The following NPAS3 variants were observed in gnomAD, a reference collection of about 807,000 sequenced individuals.
NPAS3 encodes neuronal PAS domain protein 3, also known as neuronal PAS domain-containing protein 3.
Under a neutral mutation model 73.1 loss-of-function variants are expected in NPAS3, and 14 were observed. That is an observed-to-expected ratio of 0.19 (90% confidence interval 0.13 to 0.30). The LOEUF is 0.30. Among genes scored for constraint, NPAS3 ranks in the 10% least tolerant of loss-of-function variants. The pLI is 1.00. For synonymous variants in NPAS3, 620 were observed against 541.5 expected, an observed-to-expected ratio of 1.14 and a Z score of -2.01; for missense variants, 1,096 against 1,250.0, an observed-to-expected ratio of 0.88 and a Z score of 1.86.
chr14:33,456,205 G>T (rs1490166749), intron 4 of NPAS3, among the ~76,000 whole-genome samples: 1 of 152,002 alleles, frequency 6.6e-6, no homozygotes, highest in Non-Finnish European at 1.5e-5. Flanking sequence ...TGTGCATAAT[G>T]TTCCATGGAA....
intron 5 of NPAS3, among the ~76,000 whole-genome samples, chr14:33,595,458 T>G (rs919208941): frequency 6.6e-6 from 1 of 152,186 alleles, no homozygotes; most frequent in Non-Finnish European, 1.5e-5. Flanking sequence ...CTTCTAAAAA[T>G]ACCCTTTGTT....
Position 33,706,351 on chromosome 14 carries a change from T to C in NPAS3, c.734-28863T>C, listed in dbSNP as rs532420208. On this transcript the variant is annotated intron_variant, in intron 6 of 11. Transcript: ENST00000356141. ...TCTTTAGAATATCCATGTAAGGGATTATGAATCCCATTTTCACAGCAGAGG... is the reference window on the plus strand; with the variant it reads ...TCTTTAGAATATCCATGTAAGGGATCATGAATCCCATTTTCACAGCAGAGG... Among the ~76,000 whole-genome samples the C allele has an allele frequency of 1.9e-4, 29 of 152,292 alleles. No individual in the cohort carries two copies. The South Asian group carries it at 5.6e-3, about 29-fold the overall frequency.
At chr14:33,130,607 G>T (rs988842861) in intron 2 of NPAS3, among the ~76,000 whole-genome samples, 5 of 152,056 alleles carry the variant, frequency 3.3e-5, no homozygotes, top group Non-Finnish European at 5.9e-5. Flanking sequence ...TATGCTGTTT[G>T]TGCAAAAAGG....
At chr14:33,650,827 G>A (rs11156805) in intron 5 of NPAS3, among the ~76,000 whole-genome samples, 11,423 of 152,114 alleles carry the variant, frequency 0.075, 1,399 homozygotes, top group African/African-American at 0.25. Context: ...CCTATCTCTC[G>A]TGGTGAGCCC....
chr14:33,191,073 A>G (rs182194152), intron 2 of NPAS3, among the ~76,000 whole-genome samples: 1 of 152,298 alleles, frequency 6.6e-6, no homozygotes, highest in Admixed American at 6.5e-5. Context: ...AATTTAGTCA[A>G]AGCAAGTGAC....
intron 4 of NPAS3, among the ~76,000 whole-genome samples, chr14:33,496,752 G>A (rs1388455085): frequency 6.6e-6 from 1 of 152,100 alleles, no homozygotes; most frequent in African/African-American, 2.4e-5. Context: ...CATGCTGAAT[G>A]GGCAAAAGCT....
intron 3 of NPAS3, among the ~76,000 whole-genome samples, chr14:33,297,691 C>T (rs2042357779): frequency 6.6e-6 from 1 of 152,186 alleles, no homozygotes; most frequent in Non-Finnish European, 1.5e-5. Flanking sequence ...ATCCCTGCTG[C>T]TTGCATGTAA....
intron 2 of NPAS3, among the ~76,000 whole-genome samples, chr14:33,119,480 C>T (rs146302236): frequency 4.9e-4 from 74 of 152,212 alleles, no homozygotes; most frequent in African/African-American, 1.7e-3. Flanking sequence ...GTTTCTCCAG[C>T]TCAGGGCTAG....
At chr14:33,634,785 C>T (rs1467607639) in intron 5 of NPAS3, among the ~76,000 whole-genome samples, 4 of 152,124 alleles carry the variant, frequency 2.6e-5, no homozygotes, top group East Asian at 1.9e-4. Context: ...GGAATGTCCA[C>T]GGCTGTGAAT....
chr14:33,677,366 G>T (rs559104554), intron 6 of NPAS3, among the ~76,000 whole-genome samples: 3 of 152,110 alleles, frequency 2.0e-5, no homozygotes, highest in East Asian at 1.9e-4. Flanking sequence ...AAGATTTTTT[G>T]ATGAATCAAG....
intron 1 of NPAS3, among the ~76,000 whole-genome samples, chr14:32,956,892 A>G (rs1173256791): frequency 6.6e-6 from 1 of 152,214 alleles, no homozygotes; most frequent in African/African-American, 2.4e-5. Flanking sequence ...GATCTGCTCT[A>G]TAACACAGTT....
intron 6 of NPAS3, among the ~76,000 whole-genome samples, chr14:33,728,660 C>T (rs1052577030): frequency 2.0e-5 from 3 of 152,176 alleles, no homozygotes; most frequent in African/African-American, 4.8e-5. Context: ...TACTAAAAGC[C>T]GTTACCCGCT....
At chr14:33,493,753 A>G in intron 4 of NPAS3, among the ~76,000 whole-genome samples, 1 of 152,164 alleles carries the variant, frequency 6.6e-6, no homozygotes, top group East Asian at 1.9e-4. Context: ...GAGAAGTCGC[A>G]TGCCAAATTT....
intron 4 of NPAS3, among the ~76,000 whole-genome samples, chr14:33,533,320 G>T (rs538468023): frequency 2.8e-4 from 42 of 152,196 alleles, no homozygotes; most frequent in African/African-American, 9.6e-4. Context: ...AGACAAACAT[G>T]CCATTAGAAC....
At chr14:33,078,053 C>T (rs564772360) in intron 2 of NPAS3, among the ~76,000 whole-genome samples, 5 of 151,754 alleles carry the variant, frequency 3.3e-5, no homozygotes, top group African/African-American at 4.8e-5. Flanking sequence ...GCAGGAGAAT[C>T]GCCTGAACCC....
rs780708461 is a variant in NPAS3 at position 33,178,070 on chromosome 14, A to ATTT, written c.141-37106_141-37104dup. ...GGAATTTTGATAGGCATTGAAGTGA[A>ATTT]TTTTTTTTGTTTTTTTTTTTTTGGA... On this transcript the variant is annotated intron_variant, in intron 2 of 11. Transcript: ENST00000356141. 1.3e-3 allele frequency among the ~76,000 whole-genome samples: 163 copies of ATTT among 123,826 alleles called. 23 individuals are homozygous for ATTT. Among genetic ancestry groups the ATTT allele is most frequent in the African/African-American group, 3.6e-3 (118 of 33,168 alleles). The allele number at this position is 123,826 out of a possible 152,430, so 81.2% of individuals were successfully genotyped here.
chr14:33,727,423 T>C (rs2061298448), intron 6 of NPAS3, among the ~76,000 whole-genome samples: 3 of 152,084 alleles, frequency 2.0e-5, no homozygotes, highest in Admixed American at 2.0e-4. Flanking sequence ...CTATTGACCT[T>C]TCTGATATAC....
chr14:33,244,704 CTCTT>C (rs1260649766), intron 3 of NPAS3, among the ~76,000 whole-genome samples: 1 of 152,130 alleles, frequency 6.6e-6, no homozygotes, highest in African/African-American at 2.4e-5. Flanking sequence ...CGGTTCTCTA[CTCTT>C]TCTTCTATAC....
chr14:33,104,940 T>C (rs1010069913), intron 2 of NPAS3, among the ~76,000 whole-genome samples: 4 of 152,170 alleles, frequency 2.6e-5, no homozygotes, highest in African/African-American at 2.4e-5. Context: ...CAAGTCAGCA[T>C]TGATAATGGG....
Sources: allele counts gnomAD v4.1 joint callset (sites outside exome capture counted in the v4.1 genomes callset), GRCh38; gene constraint gnomAD v4.1.1; transcripts MANE v1.5; gene names NCBI Gene and HGNC (gene_info 2026-07-23, HGNC 2026-07-21).